TSPEAR: variants seen among roughly 807,000 people sequenced by gnomAD.
TSPEAR encodes thrombospondin type laminin G domain and EAR repeats.
A neutral mutation model predicts 71.6 loss-of-function variants in TSPEAR; 69 were observed. The ratio of observed to expected loss-of-function variants is 0.96; its 90% CI spans 0.79 to 1.18. The LOEUF is 1.18. Among genes scored for constraint, TSPEAR ranks in the 50% most tolerant of loss-of-function variants. TSPEAR has a pLI of 0.00. For synonymous variants in TSPEAR, 402 were observed against 387.2 expected (o/e 1.04, Z -0.45); for missense variants, 971 against 894.9 (o/e 1.09, Z -1.09).
chr21:44,651,195 A>C (rs1555941343), intron 1 of TSPEAR, among the ~76,000 whole-genome samples: 1 of 152,098 alleles, frequency 6.6e-6, no homozygotes, highest in Non-Finnish European at 1.5e-5. Flanking sequence ...AAGCAGAGAG[A>C]GTGACAGCCC....
chr21:44,549,540 C>T lies in TSPEAR; in HGVS notation c.304-15617G>A, dbSNP rs587616358. Among the ~76,000 whole-genome samples the T allele has an allele frequency of 3.3e-4, 50 of 152,354 alleles. No individual in the cohort carries two copies. The South Asian group carries it at 8.9e-3, about 27-fold the overall frequency. On this transcript the variant is annotated intron_variant, in intron 2 of 11. Transcript: ENST00000323084. ...AAAAAAAAGAATAATGTGTGCCCCC[C>T]GCATTGTGATTGTATAGCTGTGGAG... is the stretch of plus-strand genomic sequence containing the variant.
intron 1 of TSPEAR, among the ~76,000 whole-genome samples, chr21:44,696,047 A>AAAG (rs1987317480): frequency 6.6e-6 from 1 of 152,140 alleles, no homozygotes. Flanking sequence ...CACTTCCCAT[A>AAAG]AAGAAATCTT....
intron 2 of TSPEAR, among the ~76,000 whole-genome samples, chr21:44,534,423 TGA>T (rs2053051347): frequency 1.3e-4 from 2 of 15,184 alleles, no homozygotes; most frequent in Admixed American, 9.2e-4. Flanking sequence ...GGCTGGTGTG[TGA>T]GGGGGCAGGG....
chr21:44,688,748 G>A (rs1373320144), intron 1 of TSPEAR, among the ~76,000 whole-genome samples: 1 of 152,030 alleles, frequency 6.6e-6, no homozygotes, highest in East Asian at 1.9e-4. Context: ...GGGTGTGTGT[G>A]GACTGCCGAC....
intron 1 of TSPEAR, among the ~76,000 whole-genome samples, chr21:44,620,636 C>A (rs192642947): frequency 6.1e-4 from 93 of 152,224 alleles, no homozygotes; most frequent in Non-Finnish European, 1.1e-3. Context: ...TTCCTTGATT[C>A]GATTGATTTT....
In TSPEAR at chr21:44,669,394, G is replaced by A. The variant is rs1555945450; in HGVS notation, c.82+42039C>T. Among the ~76,000 whole-genome samples the A allele has an allele frequency of 1.1e-4, 17 of 152,206 alleles. No homozygotes were observed. In the South Asian group the frequency reaches 2.9e-3, roughly 26 times the overall value. Reference sequence around the variant, plus strand: ...GGTGAGATTGCACCACTGCACTCCAGCCTGTGACAGAGCAGGACTCCATCT... The same window carrying A: ...GGTGAGATTGCACCACTGCACTCCAACCTGTGACAGAGCAGGACTCCATCT... On this transcript the variant is annotated intron_variant, in intron 1 of 11. Coordinates refer to ENST00000323084, the MANE Select transcript of TSPEAR (RefSeq NM_144991.3).
At chr21:44,512,347 T>TGGGGG (rs2052413042) in intron 9 of TSPEAR, among the ~76,000 whole-genome samples, 5 of 49,580 alleles carry the variant, frequency 1.0e-4, no homozygotes, top group African/African-American at 3.3e-4. Context: ...GGGGGTGGGG[T>TGGGGG]GGGGTGGGTG....
intron 1 of TSPEAR, among the ~76,000 whole-genome samples, chr21:44,639,553 C>A (rs587698852): frequency 6.6e-6 from 1 of 152,228 alleles, no homozygotes; most frequent in East Asian, 1.9e-4. Context: ...GGAAGCAAAG[C>A]CAAGTCCCCA....
At chr21:44,588,395 T>A (rs1439806138) in intron 1 of TSPEAR, among the ~76,000 whole-genome samples, 1 of 152,108 alleles carries the variant, frequency 6.6e-6, no homozygotes, top group Non-Finnish European at 1.5e-5. Context: ...GGCACAGATG[T>A]GGTGAACAGG....
chr21:44,647,313 G>T (rs782175405), intron 1 of TSPEAR: 33 of 1,613,734 alleles, frequency 2.0e-5, no homozygotes, highest in Middle Eastern at 1.6e-4. Context: ...GCTCCCGCCT[G>T]GCCTGCTACA....
chr21:44,532,735 G>A (rs2052997816), intron 3 of TSPEAR, among the ~76,000 whole-genome samples: 1 of 152,162 alleles, frequency 6.6e-6, no homozygotes, highest in African/African-American at 2.4e-5. Flanking sequence ...GTAACCAACT[G>A]GCCGAGCTAG....
At chr21:44,632,836 T>G (rs1555935954) in intron 1 of TSPEAR, among the ~76,000 whole-genome samples, 1 of 152,084 alleles carries the variant, frequency 6.6e-6, no homozygotes, top group Non-Finnish European at 1.5e-5. Context: ...AGTGCAAGAC[T>G]CCATCTCAAA....
rs1372930980 is a variant in TSPEAR at position 44,599,172 on chromosome 21, C to CTCTCTCTCTCAATGTA, written c.83-31168_83-31167insTACATTGAGAGAGAGA. On this transcript the variant is annotated intron_variant, in intron 1 of 11. Transcript: ENST00000323084. Reference sequence around the variant, plus strand: ...TCTCTCTCTCTCTCTCTCTCTCTCTCCTTCCATCCCATAGGACCAGATCCT... The same window carrying CTCTCTCTCTCAATGTA: ...TCTCTCTCTCTCTCTCTCTCTCTCTCTCTCTCTCTCAATGTACTTCCATCCCATAGGACCAGATCCT... Among the ~76,000 whole-genome samples, 100 of 146,054 alleles carry CTCTCTCTCTCAATGTA rather than the reference C, an allele frequency of 6.8e-4. 2 individuals carry two copies. The highest frequency in any genetic ancestry group is 1.4e-3 in the African/African-American group (55 of 38,044).
intron 1 of TSPEAR, among the ~76,000 whole-genome samples, chr21:44,685,175 ACCAG>A (rs1555948747): frequency 1.3e-5 from 2 of 152,146 alleles, no homozygotes; most frequent in African/African-American, 2.4e-5. Flanking sequence ...CATATCCACC[ACCAG>A]CAGGCACAGG....
At chr21:44,683,703 T>C (rs2146300902) in intron 1 of TSPEAR, among the ~76,000 whole-genome samples, 1 of 151,162 alleles carries the variant, frequency 6.6e-6, no homozygotes, top group Admixed American at 6.6e-5. Flanking sequence ...AAGATATAGG[T>C]AAATTTAATT....
chr21:44,569,871 T>C (rs1164666230), intron 1 of TSPEAR, among the ~76,000 whole-genome samples: 1 of 152,128 alleles, frequency 6.6e-6, no homozygotes, highest in African/African-American at 2.4e-5. Context: ...GGGGGGATTC[T>C]GTGCCTCAGG....
chr21:44,508,537 C>T lies in TSPEAR; in HGVS notation c.1754+662G>A, dbSNP rs150184797. 5.4e-4 allele frequency: 602 copies of T among 1,108,466 alleles called. 11 individuals are homozygous for T. The South Asian group carries it at 9.9e-3, about 18-fold the overall frequency. 68.7% of individuals were successfully genotyped at this position (1,108,466 alleles called of 1,614,324 possible). A position where few individuals can be genotyped will look rare whatever the true frequency, so the allele number is the denominator to read the frequency against. Reference sequence around the variant, plus strand: ...ATTCGATTGCAGGTTTATTCACAGACCGGAATTCCACCCCAGAGGACGCCC... The same window carrying T: ...ATTCGATTGCAGGTTTATTCACAGATCGGAATTCCACCCCAGAGGACGCCC... On this transcript the variant is annotated intron_variant, in intron 10 of 11. Coordinates refer to ENST00000323084, the MANE Select transcript of TSPEAR (RefSeq NM_144991.3).
intron 2 of TSPEAR, chr21:44,551,400 T>C (rs399482): frequency 3.7e-6 from 6 of 1,613,254 alleles, no homozygotes; most frequent in Non-Finnish European, 4.2e-6. Flanking sequence ...TGGGCAGTCG[T>C]CCACCTGCCA....
chr21:44,552,663 C>T (rs781831025), intron 2 of TSPEAR, among the ~76,000 whole-genome samples: 2 of 152,152 alleles, frequency 1.3e-5, no homozygotes, highest in African/African-American at 2.4e-5. Context: ...CAATTGTCCA[C>T]CTAAAGATCT....
Sources: gnomAD v4.1 joint callset for allele counts (sites outside exome capture counted in the v4.1 genomes callset) on GRCh38, gnomAD v4.1.1 for gene constraint, MANE v1.5 for transcripts, NCBI Gene and HGNC (gene_info 2026-07-23, HGNC 2026-07-21) for gene names.